FRMD4B: variants seen among roughly 807,000 people sequenced by gnomAD.
FRMD4B encodes FERM domain-containing protein 4B.
In FRMD4B, 74 loss-of-function variants were observed where a neutral mutation model predicts 141.5. The ratio of observed to expected loss-of-function variants is 0.52; its 90% CI spans 0.43 to 0.63. The LOEUF (loss-of-function observed/expected upper bound fraction) is 0.63, where lower values mean the gene tolerates loss of function less well. FRMD4B is among the 30% of genes least tolerant of loss of function. FRMD4B has a pLI of 0.00. For synonymous variants in FRMD4B, 506 were observed against 467.9 expected (o/e 1.08, Z -1.05); for missense variants, 1,366 against 1,253.4 (o/e 1.09, Z -1.36).
At chr3:69,327,886 T>C (rs1484097550) in intron 1 of FRMD4B, among the ~76,000 whole-genome samples, 1 of 152,236 alleles carries the variant, frequency 6.6e-6, no homozygotes, top group East Asian at 1.9e-4. Context: ...TATTATTTAG[T>C]CATGAAGCTT....
intron 1 of FRMD4B, among the ~76,000 whole-genome samples, chr3:69,514,375 A>G (rs1181820813): frequency 2.0e-5 from 3 of 152,124 alleles, no homozygotes; most frequent in African/African-American, 7.2e-5. Flanking sequence ...ACTGAGAACT[A>G]CAAAACATTG....
At chr3:69,524,073 A>AC (rs1700896034) in intron 1 of FRMD4B, among the ~76,000 whole-genome samples, 1 of 152,040 alleles carries the variant, frequency 6.6e-6, no homozygotes, top group African/African-American at 2.4e-5. Flanking sequence ...ACCATAGATG[A>AC]CCCCCCACCC....
chr3:69,323,200 G>C (rs1270823020), intron 1 of FRMD4B, among the ~76,000 whole-genome samples: 1 of 152,128 alleles, frequency 6.6e-6, no homozygotes, highest in Non-Finnish European at 1.5e-5. Flanking sequence ...TGCCTTAAGA[G>C]AAATGCTAAC....
At position 69,176,608 on chromosome 3, in the gene FRMD4B, C is replaced by G. The variant is rs1485044270; in HGVS notation, c.2900G>C (p.Gly967Ala). The part of the protein sequence containing the change: ...SGNWRTQLTI[G>A]LSDYETPAHS... Reference sequence around the variant, plus strand: ...TGCTGGAGTCTCGTAATCCGACAGCCCTATGGTTAACTGGGTCCTCCAGTT... The same window carrying G: ...TGCTGGAGTCTCGTAATCCGACAGCGCTATGGTTAACTGGGTCCTCCAGTT... The change falls in exon 22 of 23, where the codon GGG becomes GCG. Residue 967 changes from glycine to alanine, a missense_variant. By Grantham distance (60) the Gly-to-Ala change is moderately conservative. Coordinates refer to ENST00000398540, the MANE Select transcript of FRMD4B (RefSeq NM_015123.3). The G allele has an allele frequency of 6.2e-7, 1 of 1,606,096 alleles. No individual in the cohort carries two copies.
At chr3:69,483,165 C>G (rs897547925) in intron 1 of FRMD4B, among the ~76,000 whole-genome samples, 2 of 152,180 alleles carry the variant, frequency 1.3e-5, no homozygotes, top group Non-Finnish European at 2.9e-5. Flanking sequence ...CAAAAGTACT[C>G]TTAGTTACTA....
At chr3:69,331,738 C>A (rs1702376117) in intron 1 of FRMD4B, among the ~76,000 whole-genome samples, 2 of 152,068 alleles carry the variant, frequency 1.3e-5, no homozygotes, top group Admixed American at 1.3e-4. Flanking sequence ...GCAGAGGACA[C>A]ACTCTATAAA....
chr3:69,486,095 G>T (rs990562938), intron 1 of FRMD4B, among the ~76,000 whole-genome samples: 1 of 152,238 alleles, frequency 6.6e-6, no homozygotes, highest in Non-Finnish European at 1.5e-5. Flanking sequence ...GCAATTGCAT[G>T]TAGTTGCCAT....
intron 1 of FRMD4B, among the ~76,000 whole-genome samples, chr3:69,352,247 G>A (rs1446030732): frequency 1.3e-5 from 2 of 152,130 alleles, no homozygotes; most frequent in African/African-American, 4.8e-5. Context: ...TCACCATAAT[G>A]TCACTCTGAG....
chr3:69,281,763 G>A (rs1315646527), intron 5 of FRMD4B, among the ~76,000 whole-genome samples: 1 of 150,912 alleles, frequency 6.6e-6, no homozygotes, highest in African/African-American at 2.4e-5. Context: ...GGCGGAGGTT[G>A]TAGTGAGCTG....
At chr3:69,186,130 T>A (rs905997908) in intron 19 of FRMD4B, among the ~76,000 whole-genome samples, 6 of 152,142 alleles carry the variant, frequency 3.9e-5, no homozygotes, top group Non-Finnish European at 5.9e-5. Context: ...AAATGTTAAC[T>A]TCATTCGATT....
chr3:69,225,257 A>T (rs1450178506), intron 7 of FRMD4B, among the ~76,000 whole-genome samples: 2 of 152,210 alleles, frequency 1.3e-5, no homozygotes, highest in Non-Finnish European at 2.9e-5. Flanking sequence ...ATGAAACCCA[A>T]GGTATCTCTT....
chr3:69,447,753 G>A (rs773226924), intron 1 of FRMD4B, among the ~76,000 whole-genome samples: 4 of 152,036 alleles, frequency 2.6e-5, no homozygotes, highest in East Asian at 1.9e-4. Flanking sequence ...CTGACATTAC[G>A]TATTACTTTT....
At chr3:69,330,463 T>G (rs1575737063) in intron 1 of FRMD4B, among the ~76,000 whole-genome samples, 1 of 149,840 alleles carries the variant, frequency 6.7e-6, no homozygotes, top group Non-Finnish European at 1.5e-5. Context: ...TCTCCTGCCT[T>G]AGCCTCCTGA....
intron 3 of FRMD4B, among the ~76,000 whole-genome samples, chr3:69,305,662 G>A (rs538857516): frequency 5.3e-5 from 8 of 152,332 alleles, no homozygotes; most frequent in African/African-American, 1.9e-4. Flanking sequence ...GTTGAGGCAG[G>A]AGGATCACTG....
intron 1 of FRMD4B, among the ~76,000 whole-genome samples, chr3:69,461,638 A>AAAG (rs1196513500): frequency 6.7e-6 from 1 of 148,974 alleles, no homozygotes; most frequent in East Asian, 1.9e-4. Context: ...AAAAAAAAAA[A>AAAG]AAAAAAAAAA....
In FRMD4B at chr3:69,313,457, C is replaced by T; in HGVS notation, c.223G>A (p.Val75Ile). 14 of 1,568,600 alleles carry T rather than the reference C, an allele frequency of 8.9e-6. No homozygotes were observed. The highest frequency in any genetic ancestry group is 1.2e-5 in the Non-Finnish European group (14 of 1,155,678). Reference sequence around the variant, plus strand: ...CACATGTGGGCCACACCTACCTGAACCAGCAGCTCCAGTCTCCTATCATCC... The same window carrying T: ...CACATGTGGGCCACACCTACCTGAATCAGCAGCTCCAGTCTCCTATCATCC... ...LLDDRRLELL[V>I]QPKLLARELL... Residue 75 changes from valine to isoleucine, a missense_variant, in exon 2 of 23, where the codon GTT (valine) becomes ATT (isoleucine). Coordinates refer to ENST00000398540, the MANE Select transcript of FRMD4B (RefSeq NM_015123.3).
At chr3:69,463,043 A>G (rs1705729938) in intron 1 of FRMD4B, among the ~76,000 whole-genome samples, 1 of 152,238 alleles carries the variant, frequency 6.6e-6, no homozygotes, top group Non-Finnish European at 1.5e-5. Context: ...ATAAAGTGCT[A>G]GTACCCAAGC....
At chr3:69,404,331 C>T (rs140916152) in intron 2 of FRMD4B, among the ~76,000 whole-genome samples, 68 of 152,248 alleles carry the variant, frequency 4.5e-4, no homozygotes, top group African/African-American at 1.6e-3. Flanking sequence ...AATGCACAGG[C>T]TTTCTGATCC....
intron 1 of FRMD4B, chr3:69,536,536 G>A (rs567003830): frequency 2.9e-6 from 2 of 700,146 alleles, no homozygotes; most frequent in East Asian, 5.6e-5. Flanking sequence ...CGTGCGGGGG[G>A]TGGGGAATAG....
Sources: gnomAD v4.1 joint callset for allele counts (sites outside exome capture counted in the v4.1 genomes callset) on GRCh38, gnomAD v4.1.1 for gene constraint, MANE v1.5 for transcripts, NCBI Gene and HGNC (gene_info 2026-07-23, HGNC 2026-07-21) for gene names.